The following COX7B2 variants were observed in gnomAD, a reference collection of about 807,000 sequenced individuals.
COX7B2 encodes the protein cytochrome c oxidase subunit 7B2.
For synonymous variants in COX7B2, 37 were observed against 32.1 expected (o/e 1.15, Z -0.51); for missense variants, 109 against 95.9 (o/e 1.14, Z -0.57).
At chr4:46,849,918 A>G (rs1716554549) in intron 1 of COX7B2, among the ~76,000 whole-genome samples, 2 of 152,078 alleles carry the variant, frequency 1.3e-5, no homozygotes, top group African/African-American at 4.8e-5. Flanking sequence ...ACCATACTTG[A>G]AAATTAAGTC....
chr4:46,762,475 T>A (rs541470740), intron 2 of COX7B2, among the ~76,000 whole-genome samples: 7 of 140,066 alleles, frequency 5.0e-5, no homozygotes, highest in Admixed American at 1.6e-4. Flanking sequence ...ATGTACTATA[T>A]ATACTATATA....
At chr4:46,815,019 C>A (rs1176925167) in intron 2 of COX7B2, among the ~76,000 whole-genome samples, 1 of 151,988 alleles carries the variant, frequency 6.6e-6, no homozygotes, top group Non-Finnish European at 1.5e-5. Context: ...AACCCCGTCT[C>A]TACTGAAGAT....
chr4:46,755,753 C>T (rs939479919), intron 2 of COX7B2, among the ~76,000 whole-genome samples: 2 of 151,814 alleles, frequency 1.3e-5, no homozygotes, highest in African/African-American at 2.4e-5. Context: ...TGTATTTAAC[C>T]AAGGAGGTGA....
intron 1 of COX7B2, among the ~76,000 whole-genome samples, chr4:46,881,865 C>T (rs1019792857): frequency 2.6e-5 from 4 of 152,070 alleles, no homozygotes; most frequent in Admixed American, 2.6e-4. Flanking sequence ...TGACTCTCCT[C>T]TAATTCTTTC....
chr4:46,844,382 A>T lies in COX7B2; in HGVS notation c.-50+578T>A, dbSNP rs137925505. Among the ~76,000 whole-genome samples, 38 of 152,108 alleles carry T rather than the reference A, an allele frequency of 2.5e-4. No individual in the cohort carries two copies. The East Asian group carries it at 7.4e-3, about 29-fold the overall frequency. The stretch of plus-strand genomic sequence containing the variant: ...AGGACAAGAAAAATATTAAATACAA[A>T]TGTCTAGATGGTTACACACCATACT... On this transcript the variant is annotated intron_variant, in intron 2 of 2. Coordinates refer to ENST00000355591, the MANE Select transcript of COX7B2 (RefSeq NM_130902.3).
At chr4:46,744,738 A>ATTTTTTT (rs773481406) in intron 2 of COX7B2, among the ~76,000 whole-genome samples, 5 of 124,660 alleles carry the variant, frequency 4.0e-5, no homozygotes, top group South Asian at 2.6e-4. Context: ...AGATATTTTA[A>ATTTTTTT]TTTTTTTTTT....
In COX7B2 at chr4:46,884,893, T is replaced by A. The variant is rs77022617; in HGVS notation, c.-105+24267A>T. Among the ~76,000 whole-genome samples, 188 of 152,186 alleles carry A rather than the reference T, an allele frequency of 1.2e-3. 3 individuals are homozygous for A. In the East Asian group the frequency reaches 0.013, roughly 10 times the overall value. ...TATTTGATCTGTTTGCTTTTTTTTT[T>A]TTATTATGCTAGCATTTTTATTGGG... On this transcript the variant is annotated intron_variant, in intron 1 of 2. Transcript: ENST00000355591.
intron 2 of COX7B2, among the ~76,000 whole-genome samples, chr4:46,819,539 TAA>T (rs397959996): frequency 0.027 from 2,994 of 112,166 alleles, 92 homozygotes; most frequent in African/African-American, 0.091. Context: ...GCTGATGAGC[TAA>T]AAAAAAAAAA....
In COX7B2 at chr4:46,735,051, C is replaced by A. The variant is rs553594391; in HGVS notation, c.142G>T (p.Ala48Ser). The A allele has an allele frequency of 1.6e-5, 26 of 1,613,942 alleles. No individual in the cohort carries two copies. The highest frequency in any genetic ancestry group is 2.2e-5 in the Non-Finnish European group (26 of 1,179,972). The change falls in exon 3 of 3, where the codon GCT becomes TCT. Residue 48 changes from alanine (A) to serine (S), a missense_variant. By Grantham distance (99) the Ala-to-Ser change is moderately conservative. Transcript: ENST00000355591. ...AACACCCATGTAGCAACACAGAAAG[C>A]AGTTCCACTGGCTAGCACAGCATTA... Reference protein sequence around the residue: ...YGNAVLASGTAFCVATWVFTA... With the variant: ...YGNAVLASGTSFCVATWVFTA...
intron 2 of COX7B2, among the ~76,000 whole-genome samples, chr4:46,755,587 T>C (rs79655964): frequency 0.076 from 11,564 of 152,036 alleles, 631 homozygotes; most frequent in South Asian, 0.2. Context: ...CACCAAAAAA[T>C]TCTCAGATTT....
intron 2 of COX7B2, among the ~76,000 whole-genome samples, chr4:46,839,728 C>T (rs901679299): frequency 7.9e-5 from 12 of 152,010 alleles, no homozygotes; most frequent in African/African-American, 2.9e-4. Context: ...CTATAGTACA[C>T]TGTATTGCTT....
chr4:46,875,559 A>G lies in COX7B2; in HGVS notation c.-104-30545T>C, dbSNP rs1441800883. 2.0e-5 allele frequency among the ~76,000 whole-genome samples: 3 copies of G among 152,060 alleles called. No individual in the cohort carries two copies. The East Asian group carries it at 5.8e-4, about 29-fold the overall frequency. On this transcript the variant is annotated intron_variant, in intron 1 of 2. Transcript: ENST00000355591. ...AATTTCCTAAAATACCACTTTCATC[A>G]TGTCACAATCTTGTGCAAGTTCATA...
At chr4:46,828,744 A>T (rs1336750127) in intron 2 of COX7B2, among the ~76,000 whole-genome samples, 1 of 152,186 alleles carries the variant, frequency 6.6e-6, no homozygotes, top group Non-Finnish European at 1.5e-5. Flanking sequence ...AAACATGAAC[A>T]CATCAATATA....
chr4:46,798,474 G>A (rs1345177593), intron 2 of COX7B2, among the ~76,000 whole-genome samples: 1 of 152,130 alleles, frequency 6.6e-6, no homozygotes, highest in Non-Finnish European at 1.5e-5. Context: ...CATACCCTGT[G>A]GTACTTAAAG....
At chr4:46,861,084 G>C (rs1263753839) in intron 1 of COX7B2, among the ~76,000 whole-genome samples, 1 of 152,186 alleles carries the variant, frequency 6.6e-6, no homozygotes. Context: ...CTACCCGAGG[G>C]GGTTCATTTA....
In COX7B2 at chr4:46,892,469, G is replaced by T. The variant is rs545836231; in HGVS notation, c.-105+16691C>A. ...TGATACAGAAACTGAAACATGTAGT[G>T]ACATGTATTCTTTGCATATGAGTTA... On this transcript the variant is annotated intron_variant, in intron 1 of 2. Transcript: ENST00000355591. Among the ~76,000 whole-genome samples, 5 of 152,220 alleles carry T rather than the reference G, an allele frequency of 3.3e-5. No individual in the cohort carries two copies. In the South Asian group the frequency reaches 1.0e-3, roughly 32 times the overall value.
intron 2 of COX7B2, among the ~76,000 whole-genome samples, chr4:46,755,363 C>T (rs554199060): frequency 6.6e-6 from 1 of 152,082 alleles, no homozygotes; most frequent in Non-Finnish European, 1.5e-5. Flanking sequence ...TGAAATCATT[C>T]CCTCTGATGA....
chr4:46,788,195 A>G (rs1717851564), intron 2 of COX7B2, among the ~76,000 whole-genome samples: 2 of 152,232 alleles, frequency 1.3e-5, no homozygotes, highest in African/African-American at 4.8e-5. Flanking sequence ...GGTATATCAC[A>G]TTTAATATGA....
intron 2 of COX7B2, among the ~76,000 whole-genome samples, chr4:46,772,619 AAAGG>A (rs1484090519): frequency 5.9e-5 from 9 of 152,152 alleles, no homozygotes; most frequent in African/African-American, 2.2e-4. Context: ...AAAAAGAAAG[AAAGG>A]GAGAGAAAGA....
Sources: gnomAD v4.1 joint callset for allele counts (sites outside exome capture counted in the v4.1 genomes callset) on GRCh38, gnomAD v4.1.1 for gene constraint, MANE v1.5 for transcripts, NCBI Gene and HGNC (gene_info 2026-07-23, HGNC 2026-07-21) for gene names.